Variants in AARS1 observed in about 807,000 individuals in gnomAD.
AARS1 encodes alanyl-tRNA synthetase 1.
Under a neutral mutation model 108.9 loss-of-function variants are expected in AARS1, and 72 were observed. The ratio of observed to expected loss-of-function variants is 0.66; its 90% CI spans 0.55 to 0.80. AARS1 has a LOEUF of 0.80. Ranked by LOEUF, AARS1 falls within the 30% of genes least tolerant of loss-of-function variation. The pLI is 0.00. For missense variants in AARS1, 1,193 were observed against 1,233.2 expected (o/e 0.97, Z 0.49); for synonymous variants, 489 against 465.7 (o/e 1.05, Z -0.64).
At position 70,289,458 on chromosome 16, in the gene AARS1, G is replaced by T; in HGVS notation, c.-59C>A. 2 of 419,046 alleles carry T rather than the reference G, an allele frequency of 4.8e-6. No homozygotes were observed. The highest frequency in any genetic ancestry group is 3.5e-5 in the South Asian group (2 of 57,410). The allele number at this position is 419,046 out of a possible 1,614,324, so 26.0% of individuals were successfully genotyped here. A position where few individuals can be genotyped will look rare whatever the true frequency, so the allele number is the denominator to read the frequency against. ...CGCCGTCCCCAGCTCCTCCCTCAGA[G>T]TCCCCCGCCAAGGGCCCGCTGCACC... On this transcript the variant is annotated 5_prime_UTR_variant, in exon 1 of 21. Coordinates refer to ENST00000261772, the MANE Select transcript of AARS1 (RefSeq NM_001605.3).
chr16:70,276,983 A>G lies in AARS1; in HGVS notation c.316T>C (p.Phe106Leu). Residue 106 changes from phenylalanine to leucine, a missense_variant, in exon 3 of 21, where the codon TTT becomes CTT. Transcript: ENST00000261772. ...TFFEMLGSWS[F>L]GDYFKELACK... ...GAACTTACCTTAAAGTAATCTCCAA[A>G]AGACCAAGAGCCCAGCATCTCGAAG... 1 of 1,614,174 alleles carries G rather than the reference A, an allele frequency of 6.2e-7. No homozygotes were observed. The highest frequency in any genetic ancestry group is 8.5e-7 in the Non-Finnish European group (1 of 1,180,026).
chr16:70,262,596 T>C, intron 11 of AARS1, 72 bp from the exon 12 acceptor site: 1 of 1,464,728 alleles, frequency 6.8e-7, no homozygotes, highest in Non-Finnish European at 9.3e-7. Context: ...GGCTGACTTT[T>C]GCTGGATTCT....
rs8062865 is a variant in AARS1, at chr16:70,285,098, G to A, written c.-21-2314C>T. 5.2e-3 allele frequency among the ~76,000 whole-genome samples: 789 copies of A among 152,118 alleles called. 2 individuals are homozygous for A. The highest frequency in any genetic ancestry group is 0.017 in the African/African-American group (707 of 41,492). On this transcript the variant is annotated intron_variant, in intron 1 of 20. Coordinates refer to ENST00000261772, the MANE Select transcript of AARS1 (RefSeq NM_001605.3). ...ACAAAAATTAGCCGGGAATGATGGCGAGTGCCTGTAATCCCAGCTACTCAG... is the reference window on the plus strand; with the variant it reads ...ACAAAAATTAGCCGGGAATGATGGCAAGTGCCTGTAATCCCAGCTACTCAG...
intron 12 of AARS1, chr16:70,261,394 G>A (rs774466742): frequency 5.1e-5 from 19 of 372,560 alleles, no homozygotes; most frequent in South Asian, 9.2e-5. Context: ...CCAGGAGTTC[G>A]AGACCAGCTT....
Position 70,270,269 on chromosome 16 carries a change from A to G in AARS1, c.743T>C (p.Val248Ala), listed in dbSNP as rs565851586. The G allele has an allele frequency of 7.4e-6, 12 of 1,614,186 alleles. No homozygotes were observed. In the South Asian group the frequency reaches 1.1e-4, roughly 15 times the overall value. ...GGACATCTTATTCTGCAGCACAGAT[A>G]CCAGTCGTTCCAGGCCCATCCCTGT... is the stretch of plus-strand genomic sequence containing the variant. ...IDTGMGLERL[V>A]SVLQNKMSNY... The change falls in exon 6 of 21, where the codon GTA becomes GCA. Residue 248 changes from valine (V) to alanine (A), a missense_variant. Physicochemically the swap from Val to Ala is moderately conservative, Grantham distance 64. Coordinates refer to ENST00000261772, the MANE Select transcript of AARS1 (RefSeq NM_001605.3).
intron 11 of AARS1, among the ~76,000 whole-genome samples, chr16:70,262,998 A>AAAAAAC (rs1960179806): frequency 7.6e-6 from 1 of 130,774 alleles, no homozygotes; most frequent in Non-Finnish European, 1.6e-5. Context: ...AAAAAAAAAA[A>AAAAAAC]CAACAACAAC....
rs769521539 is a variant in AARS1, at chr16:70,267,672, G to C, written c.1209C>G (p.Ser403Arg). 10 of 1,614,180 alleles carry C rather than the reference G, an allele frequency of 6.2e-6. No individual in the cohort carries two copies. Among genetic ancestry groups the C allele is most frequent in the Non-Finnish European group, 5.9e-6 (7 of 1,180,036 alleles). The change falls in exon 9 of 21, where the codon AGC (serine) becomes AGG (arginine). Residue 403 changes from serine to arginine, a missense_variant. By Grantham distance (110) the Ser-to-Arg change is moderately radical (BLOSUM62 -1). Transcript: ENST00000261772. ...LDRKIQSLGD[S>R]KTIPGDTAWL... ...ACTGGTACCTACCGGGAATGGTCTT[G>C]CTGTCTCCCAGGCTCTGAATTTTCC...
intron 14 of AARS1, among the ~76,000 whole-genome samples, chr16:70,258,619 G>A (rs1215986107): frequency 1.3e-5 from 2 of 151,938 alleles, no homozygotes; most frequent in African/African-American, 2.4e-5. Flanking sequence ...AGGCTAGAGT[G>A]CAATGGCGCA....
In AARS1 at chr16:70,267,805, T is replaced by G; in HGVS notation, c.1076A>C (p.Asp359Ala). 1 of 1,614,090 alleles carries G rather than the reference T, an allele frequency of 6.2e-7. No individual in the cohort carries two copies. The highest frequency in any genetic ancestry group is 8.5e-7 in the Non-Finnish European group (1 of 1,180,028). ...LVDVVVQSLG[D>A]AFPELKKDPD... ...GTCCTTCTTCAGCTCAGGAAATGCATCTCCCTGACAAAGGGGAAGCAAGAT... is the reference window on the plus strand; with the variant it reads ...GTCCTTCTTCAGCTCAGGAAATGCAGCTCCCTGACAAAGGGGAAGCAAGAT... The change falls in exon 9 of 21, where the codon GAT (aspartate) becomes GCT (alanine). Residue 359 changes from aspartate to alanine, a missense_variant. Asp to Ala is a moderately radical substitution (Grantham distance 126, BLOSUM62 -2). Coordinates refer to ENST00000261772, the MANE Select transcript of AARS1 (RefSeq NM_001605.3).
At position 70,255,814 on chromosome 16, in the gene AARS1, C is replaced by A. The variant is rs1225118156; in HGVS notation, c.2200G>T (p.Ala734Ser). The change falls in exon 16 of 21, where the codon GCA becomes TCA. Residue 734 changes from alanine (A) to serine (S), a missense_variant. Transcript: ENST00000261772. ...GGTHLRNSSH[A>S]GAFVIVTEEA... ...TCCGTCACGATCACAAAAGCTCCTGCATGACTCGAGTTCCGCAGGTGCCTG... is the reference window on the plus strand; with the variant it reads ...TCCGTCACGATCACAAAAGCTCCTGAATGACTCGAGTTCCGCAGGTGCCTG... 2 of 1,613,952 alleles carry A rather than the reference C, an allele frequency of 1.2e-6. No homozygotes were observed. Among genetic ancestry groups the A allele is most frequent in the East Asian group, 2.2e-5 (1 of 44,898 alleles).
intron 11 of AARS1, among the ~76,000 whole-genome samples, chr16:70,263,889 G>A (rs1211960390): frequency 6.6e-6 from 1 of 152,026 alleles, no homozygotes; most frequent in African/African-American, 2.4e-5. Flanking sequence ...AGCCCACCCT[G>A]GCATCCCGAA....
intron 4 of AARS1, 120 bp downstream of exon 4, chr16:70,276,366 G>T: frequency 1.7e-6 from 2 of 1,148,552 alleles, no homozygotes; most frequent in Non-Finnish European, 2.6e-6. Context: ...CTCCCCATGT[G>T]CATCTCAAAA....
intron 15 of AARS1, 63 bp downstream of exon 15, chr16:70,257,970 G>C: frequency 2.5e-6 from 4 of 1,574,694 alleles, no homozygotes; most frequent in African/African-American, 1.3e-5. Context: ...TCCAGCCTAA[G>C]ACCTACATCC....
chr16:70,263,536 A>C (rs954186953), intron 11 of AARS1, among the ~76,000 whole-genome samples: 5 of 151,092 alleles, frequency 3.3e-5, no homozygotes, highest in Non-Finnish European at 7.4e-5. Flanking sequence ...GCGCCACTGC[A>C]CTCCAGCCTG....
At chr16:70,263,019 G>A (rs1361724530) in intron 11 of AARS1, among the ~76,000 whole-genome samples, 4 of 132,970 alleles carry the variant, frequency 3.0e-5, no homozygotes, top group Admixed American at 8.0e-5. Flanking sequence ...AAAGGGCTTC[G>A]CATGCTGGCT....
Position 70,258,162 on chromosome 16 carries a change from C to T in AARS1, c.2048G>A (p.Arg683Gln), listed in dbSNP as rs371048516. ...AGGATAGGTCTCATCAAACACAGCCCGTAGGCCCTGGATGGCTTTCGCTGC... is the reference window on the plus strand; with the variant it reads ...AGGATAGGTCTCATCAAACACAGCCTGTAGGCCCTGGATGGCTTTCGCTGC... ...LAAAKAIQGL[R>Q]AVFDETYPDP... The change falls in exon 15 of 21, where the codon CGG (arginine) becomes CAG (glutamine). Residue 683 changes from arginine (R) to glutamine (Q), a missense_variant. Physicochemically the swap from Arg to Gln is conservative, Grantham distance 43. Transcript: ENST00000261772. The T allele has an allele frequency of 4.8e-5, 77 of 1,609,708 alleles. No homozygotes were observed. Among genetic ancestry groups the T allele is most frequent in the Non-Finnish European group, 6.1e-5 (72 of 1,178,000 alleles).
chr16:70,254,916 C>T (rs1313496144), intron 16 of AARS1, among the ~76,000 whole-genome samples, 182 bp from the exon 17 acceptor site: 1 of 152,232 alleles, frequency 6.6e-6, no homozygotes, highest in Non-Finnish European at 1.5e-5. Flanking sequence ...ACAGTGCTCA[C>T]AGGCCCATTG....
intron 13 of AARS1, among the ~76,000 whole-genome samples, chr16:70,259,549 T>C (rs1453239110): frequency 6.6e-6 from 1 of 152,056 alleles, no homozygotes; most frequent in African/African-American, 2.4e-5. Context: ...GCGGCGCGAT[T>C]GTAGCTCAGT....
At chr16:70,267,513 A>AATT in intron 9 of AARS1, 146 bp downstream of exon 9, 3 of 985,446 alleles carry the variant, frequency 3.0e-6, no homozygotes, top group Non-Finnish European at 4.7e-6. Flanking sequence ...TTTTACTATA[A>AATT]ATTCCAGTTT....
Sources: gnomAD v4.1 joint callset for allele counts (sites outside exome capture counted in the v4.1 genomes callset) on GRCh38, gnomAD v4.1.1 for gene constraint, MANE v1.5 for transcripts, NCBI Gene and HGNC (gene_info 2026-07-23, HGNC 2026-07-21) for gene names.